Variants in PLEKHG1 observed in about 807,000 individuals in gnomAD.
PLEKHG1 encodes pleckstrin homology and RhoGEF domain containing G1, also known as pleckstrin homology domain-containing family G member 1.
In PLEKHG1, 44 loss-of-function variants were observed where a neutral mutation model predicts 100.8. The ratio of observed to expected loss-of-function variants is 0.44; its 90% CI spans 0.34 to 0.56. The LOEUF (loss-of-function observed/expected upper bound fraction) is 0.56, where lower values mean the gene tolerates loss of function less well. PLEKHG1 is among the 20% of genes least tolerant of loss of function. The pLI is 0.01. For missense variants in PLEKHG1, 1,545 were observed against 1,720.9 expected, an observed-to-expected ratio of 0.90 and a Z score of 1.81; for synonymous variants, 640 against 662.5, an observed-to-expected ratio of 0.97 and a Z score of 0.52.
intron 3 of PLEKHG1, among the ~76,000 whole-genome samples, chr6:150,682,518 G>C (rs1312066191): frequency 6.6e-6 from 1 of 151,944 alleles, no homozygotes; most frequent in Admixed American, 6.6e-5. Context: ...TGCCCAGTTT[G>C]AGAATTTGAA....
chr6:150,621,375 AT>A (rs111639263), intron 1 of PLEKHG1, among the ~76,000 whole-genome samples: 16,965 of 141,208 alleles, frequency 0.12, 869 homozygotes, highest in African/African-American at 0.17. Context: ...GCACAAATCA[AT>A]TTTTTTTTTT....
At chr6:150,835,054 G>T (rs1299080906) in intron 15 of PLEKHG1, among the ~76,000 whole-genome samples, 1 of 152,148 alleles carries the variant, frequency 6.6e-6, no homozygotes, top group Non-Finnish European at 1.5e-5. Context: ...CTTGCTCTCG[G>T]TGCTGTGCGG....
chr6:150,677,915 GTATTA>G (rs1317096755), intron 3 of PLEKHG1, among the ~76,000 whole-genome samples: 18 of 150,438 alleles, frequency 1.2e-4, no homozygotes, highest in Admixed American at 1.1e-3. Flanking sequence ...GTCAGTACAA[GTATTA>G]TATTATGCAT....
chr6:150,704,165 G>A (rs184146649), intron 3 of PLEKHG1, among the ~76,000 whole-genome samples: 1 of 152,308 alleles, frequency 6.6e-6, no homozygotes, highest in East Asian at 1.9e-4. Context: ...AGTGAGGGGG[G>A]CGATGTTTGC....
intron 3 of PLEKHG1, among the ~76,000 whole-genome samples, chr6:150,705,526 C>A (rs939941722): frequency 3.9e-5 from 6 of 152,372 alleles, no homozygotes; most frequent in African/African-American, 1.4e-4. Context: ...TGAGCCCAGT[C>A]GCCCCACCTG....
intron 1 of PLEKHG1, among the ~76,000 whole-genome samples, chr6:150,601,281 TA>T (rs1251303049): frequency 6.6e-6 from 1 of 152,206 alleles, no homozygotes; most frequent in Non-Finnish European, 1.5e-5. Flanking sequence ...AAATTGCTGT[TA>T]AAAACATTTC....
intron 2 of PLEKHG1, among the ~76,000 whole-genome samples, chr6:150,744,802 T>C (rs188443233): frequency 6.6e-6 from 1 of 152,356 alleles, no homozygotes; most frequent in Non-Finnish European, 1.5e-5. Context: ...AACTTGGAGC[T>C]GGGACAAATA....
At chr6:150,695,492 T>C (rs544765469) in intron 3 of PLEKHG1, among the ~76,000 whole-genome samples, 1 of 152,210 alleles carries the variant, frequency 6.6e-6, no homozygotes, top group Non-Finnish European at 1.5e-5. Flanking sequence ...GATTCTACTT[T>C]CCTTGAAAAT....
intron 1 of PLEKHG1, among the ~76,000 whole-genome samples, chr6:150,614,044 T>A (rs1776960077): frequency 6.6e-6 from 1 of 152,204 alleles, no homozygotes; most frequent in South Asian, 2.1e-4. Flanking sequence ...TTTAAATGGA[T>A]GAATGAATGG....
chr6:150,782,759 G>A (rs1183728379), intron 3 of PLEKHG1, among the ~76,000 whole-genome samples: 3 of 152,156 alleles, frequency 2.0e-5, no homozygotes, highest in East Asian at 3.8e-4. Flanking sequence ...GTATAAACAG[G>A]TCCTGATGCC....
At chr6:150,668,667 A>G (rs1290357998) in intron 3 of PLEKHG1, among the ~76,000 whole-genome samples, 1 of 152,210 alleles carries the variant, frequency 6.6e-6, no homozygotes, top group East Asian at 1.9e-4. Flanking sequence ...AAACTCTAGC[A>G]CAAAGGACTT....
chr6:150,796,899 T>C (rs1786367138), intron 5 of PLEKHG1, among the ~76,000 whole-genome samples: 1 of 152,198 alleles, frequency 6.6e-6, no homozygotes, highest in South Asian at 2.1e-4. Context: ...CTTTGAAAAG[T>C]TTCTGAAACT....
intron 2 of PLEKHG1, among the ~76,000 whole-genome samples, chr6:150,749,904 T>C (rs1023299260): frequency 6.6e-6 from 1 of 152,002 alleles, no homozygotes; most frequent in South Asian, 2.1e-4. Context: ...AAACCCCGTC[T>C]CTACTAAAAA....
At chr6:150,645,437 T>C (rs747956858) in intron 2 of PLEKHG1, among the ~76,000 whole-genome samples, 29 of 152,196 alleles carry the variant, frequency 1.9e-4, no homozygotes, top group Non-Finnish European at 3.4e-4. Flanking sequence ...CTTTAAACCA[T>C]AGACATATGT....
rs1257363893 is a variant in PLEKHG1 at position 150,779,344 on chromosome 6, G to GTTTGTT, written c.513-7043_513-7042insGTTTTT. ...ACAGGGGGTTAAATATTGTCAAGAA[G>GTTTGTT]TTTTTTTTTTTTTTTTTTTGAGACA... On this transcript the variant is annotated intron_variant, in intron 3 of 15. Coordinates refer to ENST00000358517, the Ensembl canonical transcript of PLEKHG1. 2.9e-4 allele frequency among the ~76,000 whole-genome samples: 30 copies of GTTTGTT among 104,540 alleles called. 3 individuals carry two copies. The highest frequency in any genetic ancestry group is 1.1e-3 in the African/African-American group (26 of 23,230). 68.6% of individuals were successfully genotyped at this position (104,540 alleles called of 152,430 possible). A position where few individuals can be genotyped will look rare whatever the true frequency, so the allele number is the denominator to read the frequency against.
intron 3 of PLEKHG1, among the ~76,000 whole-genome samples, chr6:150,783,796 A>G (rs1785458765): frequency 6.6e-6 from 1 of 152,244 alleles, no homozygotes; most frequent in Non-Finnish European, 1.5e-5. Context: ...ATGAAAACCG[A>G]GAACCTGTTA....
chr6:150,689,504 A>G (rs1259471715), intron 3 of PLEKHG1, among the ~76,000 whole-genome samples: 2 of 152,264 alleles, frequency 1.3e-5, no homozygotes, highest in Non-Finnish European at 2.9e-5. Context: ...TAGAAAAAAT[A>G]CTTAACAAAT....
At chr6:150,770,160 C>G (rs1347687526) in intron 3 of PLEKHG1, among the ~76,000 whole-genome samples, 1 of 152,114 alleles carries the variant, frequency 6.6e-6, no homozygotes, top group Admixed American at 6.6e-5. Context: ...ATAGTGAAAT[C>G]CCATTATAAA....
chr6:150,809,260 C>T (rs777449598), exon 8 of PLEKHG1: 2 of 1,614,046 alleles, frequency 1.2e-6, no homozygotes, highest in Non-Finnish European at 1.7e-6. Context: ...AGAGAGATGA[C>T]ACGTTTACAT....
Sources: gnomAD v4.1 joint callset for allele counts (sites outside exome capture counted in the v4.1 genomes callset) on GRCh38, gnomAD v4.1.1 for gene constraint, MANE v1.5 for transcripts, NCBI Gene and HGNC (gene_info 2026-07-23, HGNC 2026-07-21) for gene names.